KHDRBS3: variants seen among roughly 807,000 people sequenced by gnomAD.
The protein encoded by KHDRBS3 is KH RNA binding domain containing, signal transduction associated 3, also known as KH domain-containing, RNA-binding, signal transduction-associated protein 3.
A neutral mutation model predicts 45.6 loss-of-function variants in KHDRBS3; 23 were observed. The ratio of observed to expected loss-of-function variants is 0.50; its 90% CI spans 0.36 to 0.72. The LOEUF (loss-of-function observed/expected upper bound fraction) is 0.72. Among genes scored for constraint, KHDRBS3 ranks in the 30% least tolerant of loss-of-function variants. The pLI is 0.00. For missense variants in KHDRBS3, 352 were observed against 424.8 expected, an observed-to-expected ratio of 0.83 and a Z score of 1.51; for synonymous variants, 162 against 156.5, an observed-to-expected ratio of 1.04 and a Z score of -0.26.
chr8:135,626,663 G>A (rs1205286436), intron 7 of KHDRBS3, among the ~76,000 whole-genome samples: 1 of 152,144 alleles, frequency 6.6e-6, no homozygotes, highest in East Asian at 1.9e-4. Flanking sequence ...AATTAGCCGG[G>A]CGTGTTGGCG....
intron 6 of KHDRBS3, among the ~76,000 whole-genome samples, chr8:135,606,019 C>G (rs1317465917): frequency 6.6e-6 from 1 of 152,086 alleles, no homozygotes; most frequent in Non-Finnish European, 1.5e-5. Context: ...CTAAACTAAT[C>G]TTATAAAGTC....
At chr8:135,518,427 G>A (rs1315077116) in intron 1 of KHDRBS3, among the ~76,000 whole-genome samples, 1 of 152,026 alleles carries the variant, frequency 6.6e-6, no homozygotes, top group Non-Finnish European at 1.5e-5. Context: ...ACCCGCCTCG[G>A]CCTCCCAAAG....
chr8:135,621,263 A>G (rs972369251), intron 7 of KHDRBS3, among the ~76,000 whole-genome samples: 1 of 152,196 alleles, frequency 6.6e-6, no homozygotes, highest in Non-Finnish European at 1.5e-5. Flanking sequence ...AAGGTTGAGA[A>G]CTGCTCTTCT....
rs1455775133 is a variant in KHDRBS3, at chr8:135,457,497, G to T, written c.-370G>T. ...CGCGCGGCGTGCAGGTCGCAGCTGT[G>T]GCTCGGGTGCTGGCAGGTGCTGGCG... On this transcript the variant is annotated 5_prime_UTR_variant, in exon 1 of 9. Coordinates refer to ENST00000355849, the MANE Select transcript of KHDRBS3 (RefSeq NM_006558.3). The surrounding 1 kb of genome is among the most constrained non-coding windows in gnomAD (Gnocchi z 4.4). The T allele has an allele frequency of 6.8e-6, 1 of 147,362 alleles. No homozygotes were observed. Among genetic ancestry groups the T allele is most frequent in the Non-Finnish European group, 1.5e-5 (1 of 66,390 alleles). The allele number at this position is 147,362 out of a possible 1,614,324, so 9.1% of individuals were successfully genotyped here. A position where few individuals can be genotyped will look rare whatever the true frequency, so the allele number is the denominator to read the frequency against.
chr8:135,649,037 GGAAAC>G (rs981169622), downstream of KHDRBS3, among the ~76,000 whole-genome samples: 2 of 152,006 alleles, frequency 1.3e-5, no homozygotes, highest in African/African-American at 4.8e-5. Context: ...TTAGTCTTAT[GGAAAC>G]ATGGTTTTCT....
At chr8:135,496,706 A>G (rs951212499) in intron 1 of KHDRBS3, among the ~76,000 whole-genome samples, 4 of 152,200 alleles carry the variant, frequency 2.6e-5, no homozygotes, top group Non-Finnish European at 4.4e-5. Context: ...GTGATCAACT[A>G]CCTCAAACAA....
chr8:135,621,973 G>A (rs1182945689), intron 7 of KHDRBS3, among the ~76,000 whole-genome samples: 1 of 151,914 alleles, frequency 6.6e-6, no homozygotes, highest in African/African-American at 2.4e-5. Flanking sequence ...ATGTCACCTT[G>A]CTTGTGGAGC....
intron 5 of KHDRBS3, 82 bp from the exon 6 acceptor site, chr8:135,581,796 G>T: frequency 1.9e-6 from 2 of 1,069,932 alleles, no homozygotes; most frequent in Non-Finnish European, 2.6e-6. Context: ...CATTGATTTT[G>T]TTTCTGAGGT....
intron 7 of KHDRBS3, among the ~76,000 whole-genome samples, chr8:135,637,460 A>C (rs1275808070): frequency 6.6e-6 from 1 of 152,224 alleles, no homozygotes; most frequent in Non-Finnish European, 1.5e-5. Flanking sequence ...GTGTTAGCTG[A>C]AGTCTTAAAT....
chr8:135,550,348 T>A (rs1826526828), intron 4 of KHDRBS3, among the ~76,000 whole-genome samples: 1 of 152,228 alleles, frequency 6.6e-6, no homozygotes, highest in Non-Finnish European at 1.5e-5. Flanking sequence ...TTCTACTGTT[T>A]TATTTTAAAA....
intron 2 of KHDRBS3, among the ~76,000 whole-genome samples, chr8:135,532,124 C>T (rs1825507727): frequency 6.6e-6 from 1 of 152,094 alleles, no homozygotes; most frequent in African/African-American, 2.4e-5. Context: ...ATGTGAATGC[C>T]ATGGTCCCAA....
At chr8:135,503,148 G>A (rs1207783235) in intron 1 of KHDRBS3, among the ~76,000 whole-genome samples, 2 of 152,102 alleles carry the variant, frequency 1.3e-5, no homozygotes, top group Non-Finnish European at 2.9e-5. Flanking sequence ...TGTACTTTTA[G>A]GACAGGAATA....
downstream of KHDRBS3, among the ~76,000 whole-genome samples, chr8:135,649,289 G>A (rs540860729): frequency 2.6e-5 from 4 of 152,214 alleles, no homozygotes; most frequent in East Asian, 7.7e-4. Context: ...ACTTAGCAGT[G>A]TGACTTTGGG....
At chr8:135,461,391 C>A (rs576393469) in intron 1 of KHDRBS3, among the ~76,000 whole-genome samples, 1 of 152,178 alleles carries the variant, frequency 6.6e-6, no homozygotes, top group Non-Finnish European at 1.5e-5. Flanking sequence ...GTGTGAGCCA[C>A]CGTGCCTGGC....
intron 2 of KHDRBS3, among the ~76,000 whole-genome samples, chr8:135,535,011 G>C (rs758647893): frequency 1.3e-5 from 2 of 152,026 alleles, no homozygotes; most frequent in Admixed American, 6.6e-5. Flanking sequence ...CAACAGTGCC[G>C]AAGTTGCTGA....
At chr8:135,552,835 G>A (rs2130813345) in intron 4 of KHDRBS3, among the ~76,000 whole-genome samples, 1 of 152,232 alleles carries the variant, frequency 6.6e-6, no homozygotes, top group Non-Finnish European at 1.5e-5. Context: ...CAGCCAAGGG[G>A]AGCTCGTGTT....
rs572000130 is a variant in KHDRBS3 at position 135,512,436 on chromosome 8, G to C, written c.89-8801G>C. On this transcript the variant is annotated intron_variant, in intron 1 of 8. Transcript: ENST00000355849. ...TAAGGTGTTTGGAAAAGTCGGGGGGGGGGTAATAACTCTATTGATCTTATT... is the reference window on the plus strand; with the variant it reads ...TAAGGTGTTTGGAAAAGTCGGGGGGCGGGTAATAACTCTATTGATCTTATT... 3.1e-5 allele frequency among the ~76,000 whole-genome samples: 4 copies of C among 129,980 alleles called. 1 individual carries two copies. Among genetic ancestry groups the C allele is most frequent in the Non-Finnish European group, 6.5e-5 (4 of 61,590 alleles). 85.3% of individuals were successfully genotyped at this position (129,980 alleles called of 152,430 possible).
chr8:135,575,974 A>G (rs1458732647), intron 5 of KHDRBS3, among the ~76,000 whole-genome samples: 1 of 152,166 alleles, frequency 6.6e-6, no homozygotes, highest in African/African-American at 2.4e-5. Context: ...TGGCTGTGAC[A>G]GTTTCTTGGA....
chr8:135,497,014 TC>T (rs1286881656), intron 1 of KHDRBS3, among the ~76,000 whole-genome samples: 1 of 152,240 alleles, frequency 6.6e-6, no homozygotes, highest in Non-Finnish European at 1.5e-5. Context: ...GAATGCTACT[TC>T]TGCCACATTC....
Sources: gnomAD v4.1 joint callset for allele counts (sites outside exome capture counted in the v4.1 genomes callset) on GRCh38, gnomAD v4.1.1 for gene constraint, Gnocchi (gnomAD v3.1) non-coding constraint, MANE v1.5 for transcripts, NCBI Gene and HGNC (gene_info 2026-07-23, HGNC 2026-07-21) for gene names.